HSD17B11: variants seen among roughly 807,000 people sequenced by gnomAD.
The protein encoded by HSD17B11 is estradiol 17-beta-dehydrogenase 11.
A neutral mutation model predicts 27.8 loss-of-function variants in HSD17B11; 22 were observed. The observed-to-expected ratio is 0.79, with a 90% CI of 0.56 to 1.13. The LOEUF is 1.13. HSD17B11 is among the 50% of genes most tolerant of loss of function. HSD17B11 has a pLI of 0.00. For synonymous variants in HSD17B11, 117 were observed against 132.8 expected (o/e 0.88, Z 0.82); for missense variants, 314 against 351.1 (o/e 0.89, Z 0.84).
intron 2 of HSD17B11, among the ~76,000 whole-genome samples, chr4:87,378,905 A>AATATATAT (rs1290386830): frequency 8.9e-4 from 11 of 12,362 alleles, no homozygotes; most frequent in African/African-American, 5.1e-3. Flanking sequence ...AATATATATA[A>AATATATAT]ATATATATAT....
intron 4 of HSD17B11, among the ~76,000 whole-genome samples, chr4:87,368,028 C>G (rs1735639281): frequency 6.6e-6 from 1 of 152,118 alleles, no homozygotes; most frequent in Admixed American, 6.6e-5. Context: ...TGTCAAAACT[C>G]AAGAGTCGGC....
At chr4:87,354,657 AAAT>A (rs1241431908) in intron 5 of HSD17B11, among the ~76,000 whole-genome samples, 1 of 151,752 alleles carries the variant, frequency 6.6e-6, no homozygotes, top group African/African-American at 2.4e-5. Flanking sequence ...AAAATAAAAA[AAAT>A]AAAAAAAGGA....
In HSD17B11 at chr4:87,375,275, A is replaced by C. The variant is rs544802173; in HGVS notation, c.319-445T>G. On this transcript the variant is annotated intron_variant, in intron 2 of 6. Coordinates refer to ENST00000358290, the MANE Select transcript of HSD17B11 (RefSeq NM_016245.5). Reference sequence around the variant, plus strand: ...CAATCCATGTGTCAACAGGGGAAAAAAATCCTTTTTATTTTATGCACTTAT... The same window carrying C: ...CAATCCATGTGTCAACAGGGGAAAACAATCCTTTTTATTTTATGCACTTAT... 2.0e-5 allele frequency among the ~76,000 whole-genome samples: 3 copies of C among 152,296 alleles called. No homozygotes were observed. The East Asian group carries it at 5.8e-4, about 29-fold the overall frequency.
At chr4:87,354,450 T>TG (rs1173110749) in intron 5 of HSD17B11, among the ~76,000 whole-genome samples, 2 of 151,826 alleles carry the variant, frequency 1.3e-5, no homozygotes, top group Non-Finnish European at 2.9e-5. Context: ...GAGCCCAGCC[T>TG]GTGCAACATA....
chr4:87,391,049 G>A lies in HSD17B11; in HGVS notation c.22C>T (p.Leu8Phe), dbSNP rs760969818. ...ACGATCAGTAACGGGAGAAGCAGGA[G>A]GATGTCCAGAAGAAATTTCATCCCT... MKFLLDI[L>F]LLLPLLIVCS... The change falls in exon 1 of 7, where the codon CTC (leucine) becomes TTC (phenylalanine). Residue 8 changes from leucine to phenylalanine, a missense_variant. By Grantham distance (22) the Leu-to-Phe change is conservative (BLOSUM62 0). Coordinates refer to ENST00000358290, the MANE Select transcript of HSD17B11 (RefSeq NM_016245.5). 3.7e-6 allele frequency: 6 copies of A among 1,613,580 alleles called. No homozygotes were observed. The highest frequency in any genetic ancestry group is 1.3e-5 in the African/African-American group (1 of 74,884).
At chr4:87,365,184 T>C (rs1735592648) in intron 4 of HSD17B11, among the ~76,000 whole-genome samples, 1 of 151,914 alleles carries the variant, frequency 6.6e-6, no homozygotes, top group Admixed American at 6.6e-5. Flanking sequence ...AAAAAGAAAC[T>C]GGCAAACGAA....
chr4:87,365,718 G>C (rs548051662), intron 4 of HSD17B11, among the ~76,000 whole-genome samples: 3 of 148,884 alleles, frequency 2.0e-5, no homozygotes, highest in Admixed American at 1.4e-4. Context: ...TTACATGCAA[G>C]GTGTATAAAA....
intron 4 of HSD17B11, among the ~76,000 whole-genome samples, chr4:87,366,930 T>G (rs1165598448): frequency 8.4e-6 from 1 of 118,902 alleles, no homozygotes; most frequent in Non-Finnish European, 2.1e-5. Flanking sequence ...ACTGAAGTAA[T>G]TTTTTTTAAC....
chr4:87,379,235 G>A (rs986458792), intron 2 of HSD17B11, among the ~76,000 whole-genome samples: 29 of 149,638 alleles, frequency 1.9e-4, no homozygotes, highest in African/African-American at 6.1e-4. Flanking sequence ...CTGAGCTCAG[G>A]GGATCCACCC....
chr4:87,370,756 T>A (rs1419236296), intron 4 of HSD17B11, among the ~76,000 whole-genome samples: 3 of 17,824 alleles, frequency 1.7e-4, no homozygotes, highest in Non-Finnish European at 3.7e-4. Flanking sequence ...ATTATTATTA[T>A]TTTTTTTTTT....
Position 87,357,329 on chromosome 4 carries a change from A to C in HSD17B11, c.645T>G (p.Cys215Trp). 6.2e-7 allele frequency: 1 copy of C among 1,612,822 alleles called. No homozygotes were observed. The highest frequency in any genetic ancestry group is 1.1e-5 in the South Asian group (1 of 90,646). Reference sequence around the variant, plus strand: ...CAGTGTTTACGAAATTAGGACACAGACATGTTGTTTTGACTCCAGTTATTT... The same window carrying C: ...CAGTGTTTACGAAATTAGGACACAGCCATGTTGTTTTGACTCCAGTTATTT... Reference protein sequence around the residue: ...ALQITGVKTTCLCPNFVNTGF... With the variant: ...ALQITGVKTTWLCPNFVNTGF... Residue 215 changes from cysteine to tryptophan, a missense_variant, in exon 5 of 7, where the codon TGT becomes TGG. Coordinates refer to ENST00000358290, the MANE Select transcript of HSD17B11 (RefSeq NM_016245.5).
intron 5 of HSD17B11, among the ~76,000 whole-genome samples, chr4:87,344,009 G>A (rs974061113): frequency 6.6e-6 from 1 of 152,058 alleles, no homozygotes; most frequent in Non-Finnish European, 1.5e-5. Flanking sequence ...ATATTCCCAC[G>A]ACAACTAATT....
chr4:87,377,380 G>A (rs1034334970), intron 2 of HSD17B11, among the ~76,000 whole-genome samples: 4 of 151,980 alleles, frequency 2.6e-5, no homozygotes, highest in Non-Finnish European at 5.9e-5. Flanking sequence ...AACCCGGGAG[G>A]CGGAGGTTGC....
intron 4 of HSD17B11, among the ~76,000 whole-genome samples, chr4:87,359,030 G>A (rs139603576): frequency 2.6e-5 from 4 of 152,150 alleles, no homozygotes; most frequent in Non-Finnish European, 4.4e-5. Context: ...GTGTTTGGCA[G>A]TTCGTCTCTT....
intron 6 of HSD17B11, among the ~76,000 whole-genome samples, chr4:87,340,108 A>C (rs748060021): frequency 6.6e-6 from 1 of 152,196 alleles, no homozygotes; most frequent in East Asian, 1.9e-4. Context: ...CACAAAACAA[A>C]AGCTCAATGA....
intron 1 of HSD17B11, among the ~76,000 whole-genome samples, chr4:87,388,183 A>AAAT (rs1560773427): frequency 6.7e-6 from 1 of 150,266 alleles, no homozygotes; most frequent in African/African-American, 2.5e-5. Flanking sequence ...AAAAAAAACA[A>AAAT]TCTAGTGGCA....
At chr4:87,361,129 T>C (rs1427009576) in intron 4 of HSD17B11, among the ~76,000 whole-genome samples, 1 of 152,138 alleles carries the variant, frequency 6.6e-6, no homozygotes, top group Non-Finnish European at 1.5e-5. Context: ...AGTCATAAGA[T>C]GACATAGGAG....
chr4:87,369,123 A>C (rs768974152), intron 4 of HSD17B11, among the ~76,000 whole-genome samples: 2 of 152,158 alleles, frequency 1.3e-5, no homozygotes, highest in Non-Finnish European at 2.9e-5. Context: ...GCTATCCATA[A>C]ATTTAGTTTT....
Position 87,370,943 on chromosome 4 carries a change from G to A in HSD17B11, c.557+1766C>T, listed in dbSNP as rs189412284. On this transcript the variant is annotated intron_variant, in intron 4 of 6. Transcript: ENST00000358290. ...AATTTTTTGTATTTTTAGTAGAGAC[G>A]GGGTTTCACCGTGTTAGCCAGGATG... 2.3e-3 allele frequency among the ~76,000 whole-genome samples: 249 copies of A among 109,620 alleles called. 4 individuals are homozygous for A. In the East Asian group the frequency reaches 0.036, roughly 16 times the overall value. The allele number at this position is 109,620 out of a possible 152,430, so 71.9% of individuals were successfully genotyped here. A position where few individuals can be genotyped will look rare whatever the true frequency, so the allele number is the denominator to read the frequency against.
Sources: allele counts gnomAD v4.1 joint callset (sites outside exome capture counted in the v4.1 genomes callset), GRCh38; gene constraint gnomAD v4.1.1; transcripts MANE v1.5; gene names NCBI Gene and HGNC (gene_info 2026-07-23, HGNC 2026-07-21).